The following SFSWAP variants were observed in gnomAD, a reference collection of about 807,000 sequenced individuals.
The protein encoded by SFSWAP is splicing factor, suppressor of white-apricot homolog.
In SFSWAP, 17 loss-of-function variants were observed where a neutral mutation model predicts 100.7. The observed-to-expected ratio is 0.17, with a 90% CI of 0.12 to 0.25. The LOEUF is 0.25. Ranked by LOEUF, SFSWAP falls within the 10% of genes least tolerant of loss-of-function variation. The pLI is 1.00. For synonymous variants in SFSWAP, 504 were observed against 510.1 expected (o/e 0.99, Z 0.16); for missense variants, 1,005 against 1,262.6 (o/e 0.80, Z 3.09).
At chr12:131,756,777 T>A in intron 11 of SFSWAP, 133 bp downstream of exon 11, 2 of 727,586 alleles carry the variant, frequency 2.7e-6, no homozygotes, top group Non-Finnish European at 2.2e-6. Flanking sequence ...GAGGTTGCTG[T>A]GGTGAAACCT....
chr12:131,715,303 AC>A lies in SFSWAP; in HGVS notation c.520+351del, dbSNP rs532663959. Among the ~76,000 whole-genome samples, 636 of 152,240 alleles carry A rather than the reference AC, an allele frequency of 4.2e-3. 1 individual carries two copies. Among genetic ancestry groups the A allele is most frequent in the Non-Finnish European group, 7.1e-3 (481 of 68,018 alleles). On this transcript the variant is annotated intron_variant, in intron 3 of 17. Transcript: ENST00000261674. ...AATAGGTGTTAACTGGGATAAGTTAACATCACCGCCCTCTCACTGACCTGCT... is the reference window on the plus strand; with the variant it reads ...AATAGGTGTTAACTGGGATAAGTTAAATCACCGCCCTCTCACTGACCTGCT...
Position 131,714,994 on chromosome 12 carries a change from C to G in SFSWAP, c.520+41C>G, listed in dbSNP as rs376432322. The G allele has an allele frequency of 1.7e-5, 28 of 1,608,316 alleles. No homozygotes were observed. Among genetic ancestry groups the G allele is most frequent in the African/African-American group, 2.7e-5 (2 of 74,774 alleles). The stretch of plus-strand genomic sequence containing the variant: ...CCTGGACTGCTGGTGTAGGGCTACA[C>G]GTGTACGCACAGGCTGCATGCACCG... On this transcript the variant is annotated intron_variant, in intron 3 of 17. Transcript: ENST00000261674. This position sits in a 1 kb window ranked among gnomAD's most constrained non-coding sequence, Gnocchi z 6.0.
intron 14 of SFSWAP, chr12:131,783,708 G>A (rs1027722872): frequency 1.5e-4 from 23 of 150,196 alleles, no homozygotes; most frequent in African/African-American, 5.4e-4. Context: ...GAACCCGGGA[G>A]GCGGTGCTTG....
intron 13 of SFSWAP, among the ~76,000 whole-genome samples, chr12:131,774,183 G>A (rs187710496): frequency 1.2e-4 from 18 of 152,352 alleles, no homozygotes; most frequent in Middle Eastern, 3.4e-3. Flanking sequence ...TGGGCAGGAC[G>A]TGGTAGGGCA....
At chr12:131,774,434 A>G (rs936483205) in intron 13 of SFSWAP, among the ~76,000 whole-genome samples, 5 of 152,314 alleles carry the variant, frequency 3.3e-5, no homozygotes, top group African/African-American at 1.2e-4. Context: ...GTTAATTTCC[A>G]GTGTTACAGA....
intron 11 of SFSWAP, among the ~76,000 whole-genome samples, chr12:131,758,904 G>A (rs978538538): frequency 2.6e-5 from 4 of 152,144 alleles, no homozygotes; most frequent in Non-Finnish European, 5.9e-5. Context: ...GGACAACATC[G>A]TGAGACCATG....
chr12:131,774,961 C>T (rs1474849313), intron 13 of SFSWAP, among the ~76,000 whole-genome samples: 1 of 152,110 alleles, frequency 6.6e-6, no homozygotes, highest in Admixed American at 6.5e-5. Flanking sequence ...ATTAAGTTGG[C>T]AGTAGAAATA....
Position 131,711,707 on chromosome 12 carries a change from C to T in SFSWAP, c.218+260C>T. The T allele has an allele frequency of 2.2e-6, 1 of 463,280 alleles. No homozygotes were observed. The highest frequency in any genetic ancestry group is 3.8e-5 in the East Asian group (1 of 26,106). 28.7% of individuals were successfully genotyped at this position (463,280 alleles called of 1,614,324 possible). On this transcript the variant is annotated intron_variant, in intron 1 of 17. Coordinates refer to ENST00000261674, the MANE Select transcript of SFSWAP (RefSeq NM_004592.4). This position sits in a 1 kb window ranked among gnomAD's most constrained non-coding sequence, Gnocchi z 4.9. ...CTCTGGTCCCGCAGCCCCTCTCGAC[C>T]CCTCACCCTGTCGCTGGGCTGCAGT...
At chr12:131,759,306 C>A (rs954234046) in intron 11 of SFSWAP, among the ~76,000 whole-genome samples, 3 of 152,130 alleles carry the variant, frequency 2.0e-5, no homozygotes, top group Non-Finnish European at 4.4e-5. Flanking sequence ...AGTGAAATAC[C>A]TCTCAACCCA....
At position 131,714,831 on chromosome 12, in the gene SFSWAP, A is replaced by T; in HGVS notation, c.398A>T (p.Tyr133Phe). 4 of 1,613,924 alleles carry T rather than the reference A, an allele frequency of 2.5e-6. No individual in the cohort carries two copies. The highest frequency in any genetic ancestry group is 3.4e-6 in the Non-Finnish European group (4 of 1,179,822). ...CTCATTTTTATTCAAGAGGAAGAAT[A>T]CAAGCGATTGAGTGAAGCACTAGCA... ...LEEEARQEEE[Y>F]KRLSEALAED... Residue 133 changes from tyrosine to phenylalanine, a missense_variant, in exon 3 of 18, where the codon TAC becomes TTC. Coordinates refer to ENST00000261674, the MANE Select transcript of SFSWAP (RefSeq NM_004592.4). This position sits in a 1 kb window ranked among gnomAD's most constrained non-coding sequence, Gnocchi z 6.0.
At chr12:131,727,901 T>C (rs1238470164) in intron 6 of SFSWAP, among the ~76,000 whole-genome samples, 2 of 152,358 alleles carry the variant, frequency 1.3e-5, no homozygotes, top group East Asian at 1.9e-4. Flanking sequence ...TTGTGCATTG[T>C]GGGTGACCTT....
chr12:131,778,769 T>C lies in SFSWAP; in HGVS notation c.2408+439T>C, dbSNP rs1593180475. Among the ~76,000 whole-genome samples, 1 of 152,096 alleles carries C rather than the reference T, an allele frequency of 6.6e-6. No individual in the cohort carries two copies. The highest frequency in any genetic ancestry group is 1.5e-5 in the Non-Finnish European group (1 of 68,028). Reference sequence around the variant, plus strand: ...CTGACCTCAGGTAATCCACCCACCTTGGCCTCCCAGAGTGCTGGGATTACA... The same window carrying C: ...CTGACCTCAGGTAATCCACCCACCTCGGCCTCCCAGAGTGCTGGGATTACA... On this transcript the variant is annotated intron_variant, in intron 14 of 17. Transcript: ENST00000261674. The surrounding 1 kb of genome is among the most constrained non-coding windows in gnomAD (Gnocchi z 4.2).
chr12:131,765,821 G>A (rs1034236578), intron 12 of SFSWAP, among the ~76,000 whole-genome samples: 2 of 145,458 alleles, frequency 1.4e-5, no homozygotes, highest in East Asian at 2.1e-4. Context: ...CACTTATAGA[G>A]TATTCATTGC....
At chr12:131,735,381 T>G (rs1879911926) in intron 7 of SFSWAP, among the ~76,000 whole-genome samples, 1 of 152,212 alleles carries the variant, frequency 6.6e-6, no homozygotes, top group Non-Finnish European at 1.5e-5. Flanking sequence ...GGGTATTAAT[T>G]TAAATAACAG....
intron 14 of SFSWAP, among the ~76,000 whole-genome samples, chr12:131,782,935 C>T (rs1311883395): frequency 6.6e-6 from 1 of 152,128 alleles, no homozygotes; most frequent in Non-Finnish European, 1.5e-5. Flanking sequence ...AATCCCGGCT[C>T]TTAAGGAGGC....
intron 11 of SFSWAP, among the ~76,000 whole-genome samples, chr12:131,762,318 G>A (rs1395296436): frequency 6.6e-6 from 1 of 152,178 alleles, no homozygotes; most frequent in Non-Finnish European, 1.5e-5. Context: ...GGCTCAGGCA[G>A]GAGGATTGCT....
intron 7 of SFSWAP, among the ~76,000 whole-genome samples, chr12:131,743,844 C>A (rs1880883017): frequency 1.3e-5 from 2 of 152,266 alleles, no homozygotes; most frequent in African/African-American, 4.8e-5. Flanking sequence ...CATTTCCATA[C>A]ATCCTGTGAA....
intron 11 of SFSWAP, 25 bp from the exon 12 acceptor site, chr12:131,764,431 C>G (rs1325931915): frequency 6.3e-7 from 1 of 1,587,416 alleles, no homozygotes; most frequent in South Asian, 1.1e-5. Flanking sequence ...TAACATGTAT[C>G]ATAATTCTCA....
At chr12:131,737,807 T>A (rs1880174288) in intron 7 of SFSWAP, among the ~76,000 whole-genome samples, 1 of 151,958 alleles carries the variant, frequency 6.6e-6, no homozygotes, top group Non-Finnish European at 1.5e-5. Flanking sequence ...CAGCAGAATT[T>A]TATATATATA....
Sources: allele counts gnomAD v4.1 joint callset (sites outside exome capture counted in the v4.1 genomes callset), GRCh38; gene constraint gnomAD v4.1.1; non-coding constraint Gnocchi (gnomAD v3.1); transcripts MANE v1.5; gene names NCBI Gene and HGNC (gene_info 2026-07-23, HGNC 2026-07-21).